Variants in SDK1 observed in about 807,000 individuals in gnomAD.
SDK1 encodes the protein sidekick cell adhesion molecule 1.
Under a neutral mutation model 245.5 loss-of-function variants are expected in SDK1, and 157 were observed. The observed-to-expected ratio is 0.64, with a 90% CI of 0.56 to 0.73. The LOEUF (loss-of-function observed/expected upper bound fraction) is 0.73, where lower values mean the gene tolerates loss of function less well. SDK1 is among the 30% of genes least tolerant of loss of function. The pLI is 0.00. For missense variants in SDK1, 3,583 were observed against 3,002.3 expected, an observed-to-expected ratio of 1.19 and a Z score of -4.52; for synonymous variants, 1,647 against 1,278.5, an observed-to-expected ratio of 1.29 and a Z score of -6.15.
intron 35 of SDK1, among the ~76,000 whole-genome samples, chr7:4,197,372 C>T (rs1454181041): frequency 6.6e-6 from 1 of 152,024 alleles, no homozygotes; most frequent in Admixed American, 6.5e-5. Flanking sequence ...CCTTTAGTTC[C>T]AGCTACTTGG....
intron 1 of SDK1, among the ~76,000 whole-genome samples, chr7:3,519,982 A>G (rs1243318297): frequency 6.6e-6 from 1 of 152,192 alleles, no homozygotes; most frequent in African/African-American, 2.4e-5. Flanking sequence ...TTATTTGTGC[A>G]TATGTTTTTC....
chr7:3,566,474 C>G (rs1406060319), intron 1 of SDK1, among the ~76,000 whole-genome samples: 1 of 151,954 alleles, frequency 6.6e-6, no homozygotes, highest in African/African-American at 2.4e-5. Flanking sequence ...ATCTGCCTGC[C>G]TCGGCCTCCC....
At chr7:3,809,727 C>T (rs1033119588) in intron 4 of SDK1, among the ~76,000 whole-genome samples, 7 of 152,170 alleles carry the variant, frequency 4.6e-5, no homozygotes, top group Non-Finnish European at 7.3e-5. Flanking sequence ...GGTCCAGCCA[C>T]GAAGACATAA....
chr7:3,645,913 C>CA (rs1782820446), intron 4 of SDK1, among the ~76,000 whole-genome samples: 1 of 151,860 alleles, frequency 6.6e-6, no homozygotes, highest in Non-Finnish European at 1.5e-5. Context: ...GGCTGGAGTG[C>CA]AGTGGCCCAA....
chr7:4,032,072 G>T (rs114237863), intron 17 of SDK1, among the ~76,000 whole-genome samples: 7,871 of 150,546 alleles, frequency 0.052, 393 homozygotes, highest in African/African-American at 0.12. Flanking sequence ...TCGATCGATC[G>T]ATCATGTCCT....
At chr7:3,893,492 G>C (rs1781513779) in intron 5 of SDK1, among the ~76,000 whole-genome samples, 1 of 151,940 alleles carries the variant, frequency 6.6e-6, no homozygotes, top group Non-Finnish European at 1.5e-5. Context: ...CAGCTCCTCA[G>C]GTACCTGAGC....
intron 1 of SDK1, among the ~76,000 whole-genome samples, chr7:3,310,658 C>T (rs554016079): frequency 2.8e-4 from 43 of 152,206 alleles, no homozygotes; most frequent in African/African-American, 1.0e-3. Flanking sequence ...TGTGAGGGAC[C>T]TTTGAGGCAT....
At chr7:3,927,462 G>A (rs1316949349) in intron 5 of SDK1, among the ~76,000 whole-genome samples, 2 of 152,130 alleles carry the variant, frequency 1.3e-5, no homozygotes, top group Admixed American at 1.3e-4. Context: ...CTTTTCTCCT[G>A]TAGTAAAGGG....
intron 4 of SDK1, among the ~76,000 whole-genome samples, chr7:3,806,195 A>G (rs563222331): frequency 2.0e-5 from 3 of 152,216 alleles, no homozygotes; most frequent in Non-Finnish European, 4.4e-5. Flanking sequence ...ACTCACCCAA[A>G]TAATCCAAGA....
chr7:4,227,807 A>T (rs968901078), intron 40 of SDK1, among the ~76,000 whole-genome samples: 1 of 152,232 alleles, frequency 6.6e-6, no homozygotes, highest in East Asian at 1.9e-4. Context: ...CTCCAGCTCA[A>T]TTCAGAAAAG....
At chr7:3,358,428 C>T (rs537054385) in intron 1 of SDK1, among the ~76,000 whole-genome samples, 36 of 104,298 alleles carry the variant, frequency 3.5e-4, no homozygotes, top group Non-Finnish European at 5.4e-4. Context: ...ATCATTACAA[C>T]GTTTTTTTTT....
intron 32 of SDK1, among the ~76,000 whole-genome samples, chr7:4,169,487 T>A (rs1781699806): frequency 6.6e-6 from 1 of 152,114 alleles, no homozygotes; most frequent in African/African-American, 2.4e-5. Context: ...CGCCTCCTCC[T>A]CCAAGGGCAG....
chr7:3,766,973 CG>C (rs1562428182), intron 4 of SDK1, among the ~76,000 whole-genome samples: 2 of 152,144 alleles, frequency 1.3e-5, no homozygotes, highest in Non-Finnish European at 2.9e-5. Context: ...ATTGGGTTTT[CG>C]TAGCTATTTG....
At chr7:3,860,939 C>G (rs189238881) in intron 5 of SDK1, among the ~76,000 whole-genome samples, 25 of 152,208 alleles carry the variant, frequency 1.6e-4, no homozygotes, top group Admixed American at 4.6e-4. Context: ...CAACAAAGGC[C>G]GAATGAAGCT....
intron 28 of SDK1, among the ~76,000 whole-genome samples, chr7:4,141,173 T>G (rs1011958293): frequency 1.3e-5 from 2 of 152,162 alleles, no homozygotes; most frequent in East Asian, 3.9e-4. Context: ...AAGGGGCAAG[T>G]GCATAACCAC....
intron 1 of SDK1, among the ~76,000 whole-genome samples, chr7:3,616,883 T>G (rs1781788544): frequency 6.6e-6 from 1 of 152,334 alleles, no homozygotes; most frequent in South Asian, 2.1e-4. Flanking sequence ...ACAAATAAAT[T>G]ACCAAAAATT....
At chr7:3,636,230 A>G (rs937433681) in intron 2 of SDK1, among the ~76,000 whole-genome samples, 5 of 152,304 alleles carry the variant, frequency 3.3e-5, no homozygotes, top group African/African-American at 7.2e-5. Flanking sequence ...ATAAAAACAC[A>G]TAAAACTTAC....
intron 4 of SDK1, among the ~76,000 whole-genome samples, chr7:3,716,595 A>G (rs953210649): frequency 5.3e-5 from 8 of 151,978 alleles, no homozygotes; most frequent in Admixed American, 4.6e-4. Flanking sequence ...CCCCATTGCT[A>G]CAAACAAATC....
intron 14 of SDK1, 120 bp downstream of exon 14, chr7:3,987,442 T>C: frequency 9.6e-7 from 1 of 1,038,298 alleles, no homozygotes; most frequent in Non-Finnish European, 1.4e-6. Context: ...GCTGTAATGC[T>C]TTACAGGGTT....
Sources: gnomAD v4.1 joint callset for allele counts (sites outside exome capture counted in the v4.1 genomes callset) on GRCh38, gnomAD v4.1.1 for gene constraint, MANE v1.5 for transcripts, NCBI Gene and HGNC (gene_info 2026-07-23, HGNC 2026-07-21) for gene names.